TTC27: variants seen among roughly 807,000 people sequenced by gnomAD.
The protein encoded by TTC27 is tetratricopeptide repeat domain 27, also known as tetratricopeptide repeat protein 27.
Under a neutral mutation model 115.9 loss-of-function variants are expected in TTC27, and 79 were observed. That is an observed-to-expected ratio of 0.68 (90% CI 0.57 to 0.82). TTC27 has a LOEUF of 0.82. Among genes scored for constraint, TTC27 ranks in the 40% least tolerant of loss-of-function variants. The pLI is 0.00. For synonymous variants in TTC27, 401 were observed against 356.0 expected (o/e 1.13, Z -1.42); for missense variants, 1,054 against 993.1 (o/e 1.06, Z -0.82).
chr2:32,647,480 T>C (rs1369158776), intron 4 of TTC27, among the ~76,000 whole-genome samples: 2 of 152,204 alleles, frequency 1.3e-5, no homozygotes, highest in Non-Finnish European at 2.9e-5. Context: ...TGCTATTAGA[T>C]AATTTTATAT....
intron 3 of TTC27, among the ~76,000 whole-genome samples, chr2:32,636,235 A>T (rs573893057): frequency 6.6e-6 from 1 of 152,108 alleles, no homozygotes; most frequent in African/African-American, 2.4e-5. Context: ...TTGTTTTGAG[A>T]CGGAGTCTCA....
rs1370746926 is a variant in TTC27, at chr2:32,650,144, G to A, written c.551G>A (p.Trp184Ter). ...GTTTTTTCCTAGAGCTTGCCATGGT[G>A]GACTTTGAGATGTGTGAATATTCAT... ...KLTAIQSLPWWTLRCVNIHQH... is the reference protein window; with the variant it reads ...KLTAIQSLPW Residue 184 changes from tryptophan to a stop codon, truncating the protein, a stop_gained, in exon 5 of 20, where the codon TGG becomes TAG. Coordinates refer to ENST00000317907, the MANE Select transcript of TTC27 (RefSeq NM_017735.5). LOFTEE classifies it high-confidence loss of function. 2 of 1,613,332 alleles carry A rather than the reference G, an allele frequency of 1.2e-6. No individual in the cohort carries two copies. The highest frequency in any genetic ancestry group is 1.1e-5 in the South Asian group (1 of 90,968).
At chr2:32,713,792 AG>A (rs904909308) in intron 10 of TTC27, among the ~76,000 whole-genome samples, 10 of 152,102 alleles carry the variant, frequency 6.6e-5, no homozygotes, top group Non-Finnish European at 1.3e-4. Context: ...ACTTAGGCTC[AG>A]GGGTACATGT....
At chr2:32,762,694 C>G (rs867221757) in intron 13 of TTC27, among the ~76,000 whole-genome samples, 2 of 151,644 alleles carry the variant, frequency 1.3e-5, no homozygotes, top group African/African-American at 4.8e-5. Flanking sequence ...AGTGCAGTGG[C>G]GCGATCTCAG....
chr2:32,792,920 C>T (rs891090876), intron 16 of TTC27, among the ~76,000 whole-genome samples: 2 of 152,236 alleles, frequency 1.3e-5, no homozygotes, highest in African/African-American at 4.8e-5. Context: ...CTTCAACTCT[C>T]TTCACAGGCC....
chr2:32,678,488 C>T (rs190459952), intron 8 of TTC27, among the ~76,000 whole-genome samples: 48 of 151,790 alleles, frequency 3.2e-4, no homozygotes, highest in African/African-American at 1.0e-3. Context: ...AGTGCAGTGT[C>T]GCGATCTCGG....
chr2:32,631,099 T>C (rs1434852685), intron 2 of TTC27, among the ~76,000 whole-genome samples: 1 of 151,666 alleles, frequency 6.6e-6, no homozygotes, highest in Non-Finnish European at 1.5e-5. Flanking sequence ...AGGTCAGGAG[T>C]TTAAGACCAG....
chr2:32,684,397 G>A (rs998288587), intron 9 of TTC27, among the ~76,000 whole-genome samples: 1 of 151,344 alleles, frequency 6.6e-6, no homozygotes, highest in Admixed American at 6.6e-5. Flanking sequence ...GTGTGCATGT[G>A]TCTAAAACTT....
intron 1 of TTC27, 75 bp downstream of exon 1, chr2:32,628,455 A>G (rs2063528452): frequency 7.4e-7 from 1 of 1,353,168 alleles, no homozygotes; most frequent in South Asian, 1.5e-5. Context: ...ACTGATTCTC[A>G]TCCCTCCCTT....
rs555482401 is a variant in TTC27 at position 32,738,089 on chromosome 2, C to G, written c.1452+1273C>G. ...CATAAACATCCATTCTAGCTCCCTC[C>G]TTTTGTAAATGAGGAAAGGTTTCCC... On this transcript the variant is annotated intron_variant, in intron 12 of 19. Transcript: ENST00000317907. 3.7e-4 allele frequency among the ~76,000 whole-genome samples: 57 copies of G among 152,212 alleles called. 1 individual carries two copies. The South Asian group carries it at 0.012, about 31-fold the overall frequency.
intron 16 of TTC27, among the ~76,000 whole-genome samples, chr2:32,798,171 C>T (rs1670776176): frequency 6.6e-6 from 1 of 150,830 alleles, no homozygotes; most frequent in Admixed American, 6.6e-5. Flanking sequence ...CTTTGGGAGG[C>T]CAAGGCGGGC....
intron 15 of TTC27, 149 bp from the exon 16 acceptor site, chr2:32,786,835 T>C (rs892333912): frequency 2.9e-6 from 2 of 682,458 alleles, no homozygotes; most frequent in African/African-American, 3.6e-5. Flanking sequence ...TTTGAGTTGG[T>C]TTTGTGTTGT....
chr2:32,642,694 C>A (rs2710633), intron 4 of TTC27, among the ~76,000 whole-genome samples: 1 of 152,028 alleles, frequency 6.6e-6, no homozygotes, highest in Non-Finnish European at 1.5e-5. Context: ...TTAAGACAGG[C>A]TCTGGCCCCG....
intron 5 of TTC27, among the ~76,000 whole-genome samples, chr2:32,651,952 G>T (rs1008971312): frequency 1.3e-5 from 2 of 152,140 alleles, no homozygotes; most frequent in African/African-American, 2.4e-5. Flanking sequence ...AAGCCTGGGG[G>T]TCTAGCAGGG....
intron 9 of TTC27, among the ~76,000 whole-genome samples, chr2:32,693,036 G>A (rs1291116539): frequency 6.6e-6 from 1 of 151,618 alleles, no homozygotes; most frequent in Non-Finnish European, 1.5e-5. Context: ...GTAAATAAAC[G>A]GAGTGATACG....
chr2:32,740,294 C>G (rs923073759), intron 12 of TTC27, among the ~76,000 whole-genome samples: 6 of 152,172 alleles, frequency 3.9e-5, no homozygotes, highest in Non-Finnish European at 8.8e-5. Flanking sequence ...AGCAAGGCTT[C>G]CCTGAGATTA....
At chr2:32,743,480 T>A (rs1668712941) in intron 12 of TTC27, among the ~76,000 whole-genome samples, 2 of 152,122 alleles carry the variant, frequency 1.3e-5, no homozygotes, top group Admixed American at 6.5e-5. Flanking sequence ...ATCTCAAATT[T>A]CCCATATAAC....
chr2:32,684,676 T>G (rs1212598942), intron 9 of TTC27, among the ~76,000 whole-genome samples: 1 of 152,192 alleles, frequency 6.6e-6, no homozygotes, highest in Non-Finnish European at 1.5e-5. Flanking sequence ...TGAAAATGAT[T>G]ACCCATTTTT....
chr2:32,682,847 GTTTTTTTTTTT>G (rs70938360), intron 9 of TTC27, among the ~76,000 whole-genome samples: 1 of 49,786 alleles, frequency 2.0e-5, no homozygotes, highest in African/African-American at 1.0e-4. Context: ...TTTTATTGTT[GTTTTTTTTTTT>G]TTTTTTTTTT....
Sources: gnomAD v4.1 joint callset for allele counts (sites outside exome capture counted in the v4.1 genomes callset) on GRCh38, gnomAD v4.1.1 for gene constraint, MANE v1.5 for transcripts, NCBI Gene and HGNC (gene_info 2026-07-23, HGNC 2026-07-21) for gene names.